The following PDSS2 variants were observed in gnomAD, a reference collection of about 807,000 sequenced individuals.
PDSS2 encodes the protein decaprenyl diphosphate synthase subunit 2, also known as all trans-polyprenyl-diphosphate synthase PDSS2.
PDSS2 carries 31 observed loss-of-function variants against 44.5 expected under a neutral mutation model. The ratio of observed to expected loss-of-function variants is 0.70; its 90% CI spans 0.52 to 0.94. The LOEUF (loss-of-function observed/expected upper bound fraction) is 0.94. PDSS2 is among the 40% of genes least tolerant of loss of function. PDSS2 has a pLI of 0.00. For missense variants in PDSS2, 452 were observed against 482.2 expected (o/e 0.94, Z 0.59); for synonymous variants, 157 against 180.3 (o/e 0.87, Z 1.03).
At chr6:107,223,708 T>C (rs1182042307) in intron 4 of PDSS2, among the ~76,000 whole-genome samples, 1 of 151,176 alleles carries the variant, frequency 6.6e-6, no homozygotes, top group Non-Finnish European at 1.5e-5. Context: ...AGTAAAACCC[T>C]GTCTCAGGGT....
chr6:107,291,554 G>GGC (rs1404008291), intron 2 of PDSS2, among the ~76,000 whole-genome samples: 17 of 150,042 alleles, frequency 1.1e-4, no homozygotes, highest in Non-Finnish European at 2.2e-4. Flanking sequence ...GTAGAGACGG[G>GGC]GGGGTCTCAC....
chr6:107,428,055 T>C (rs984996379), intron 1 of PDSS2, among the ~76,000 whole-genome samples: 5 of 152,242 alleles, frequency 3.3e-5, no homozygotes, highest in African/African-American at 1.2e-4. Flanking sequence ...TGTTTAAAAC[T>C]AATATATTTT....
intron 7 of PDSS2, among the ~76,000 whole-genome samples, chr6:107,159,091 A>G (rs1554246246): frequency 6.6e-6 from 1 of 152,114 alleles, no homozygotes; most frequent in Non-Finnish European, 1.5e-5. Flanking sequence ...TGGGGGGACT[A>G]CATAACACTG....
intron 1 of PDSS2, among the ~76,000 whole-genome samples, chr6:107,450,843 T>C (rs1026669553): frequency 2.6e-5 from 4 of 152,176 alleles, no homozygotes; most frequent in South Asian, 2.1e-4. Context: ...AATCAACTGA[T>C]TGATTGAGAC....
chr6:107,169,487 C>T (rs1771484367), intron 7 of PDSS2, among the ~76,000 whole-genome samples: 1 of 152,186 alleles, frequency 6.6e-6, no homozygotes, highest in Non-Finnish European at 1.5e-5. Context: ...TCGTCAAAGT[C>T]ATTCTCCATC....
chr6:107,217,926 C>T (rs1171165666), intron 4 of PDSS2, among the ~76,000 whole-genome samples: 1 of 152,222 alleles, frequency 6.6e-6, no homozygotes, highest in Non-Finnish European at 1.5e-5. Context: ...AATCTCAAAT[C>T]AGTTTTATCT....
chr6:107,226,914 G>A (rs944730648), intron 4 of PDSS2, among the ~76,000 whole-genome samples: 19 of 151,700 alleles, frequency 1.3e-4, no homozygotes, highest in African/African-American at 4.6e-4. Flanking sequence ...CTCATGATCC[G>A]CCTGCCTCAG....
chr6:107,295,229 C>T (rs2430473), intron 2 of PDSS2, among the ~76,000 whole-genome samples: 81,556 of 152,090 alleles, frequency 0.54, 22,708 homozygotes, highest in Middle Eastern at 0.7. Flanking sequence ...CCACCGCGCC[C>T]GGCCAGTTCT....
chr6:107,198,234 T>C (rs1772634737), intron 6 of PDSS2, among the ~76,000 whole-genome samples: 1 of 152,158 alleles, frequency 6.6e-6, no homozygotes, highest in South Asian at 2.1e-4. Flanking sequence ...TGTCACCCAG[T>C]AGGGACACAT....
rs138690863 is a variant in PDSS2, at chr6:107,450,924, G to A, written c.296+8066C>T. Among the ~76,000 whole-genome samples, 12 of 152,236 alleles carry A rather than the reference G, an allele frequency of 7.9e-5. No homozygotes were observed. In the East Asian group the frequency reaches 9.7e-4, roughly 12 times the overall value. ...TGGCTCACTGCAGCCTCCAACTTCC[G>A]CGCTCAAGTGATCCTCTTACCTCAA... On this transcript the variant is annotated intron_variant, in intron 1 of 7. Coordinates refer to ENST00000369037, the MANE Select transcript of PDSS2 (RefSeq NM_020381.4).
rs1166442372 is a variant in PDSS2 at position 107,274,061 on chromosome 6, AG to A, written c.597del (p.Cys200AlafsTer4). On this transcript the variant is annotated frameshift_variant, in exon 3 of 8. Transcript: ENST00000369037. LOFTEE classifies it high-confidence loss of function. ...ILSGDFLLAN[A>X]CNGLALLQNT... is the part of the protein sequence containing the mutation. ...TTCTGTAGCAGAGCTAGTCCATTGCAGGCATTTGCTAGAAGAAAGTCTCCAC... is the reference window on the plus strand; with the variant it reads ...TTCTGTAGCAGAGCTAGTCCATTGCAGCATTTGCTAGAAGAAAGTCTCCAC... 3 of 1,613,986 alleles carry A rather than the reference AG, an allele frequency of 1.9e-6. No homozygotes were observed. Among genetic ancestry groups the A allele is most frequent in the Non-Finnish European group, 2.5e-6 (3 of 1,179,978 alleles).
chr6:107,390,947 G>T (rs1047953021), intron 1 of PDSS2, among the ~76,000 whole-genome samples: 1 of 150,376 alleles, frequency 6.6e-6, no homozygotes, highest in East Asian at 2.0e-4. Context: ...AATCTAACTG[G>T]ATTCTATCAT....
Position 107,300,681 on chromosome 6 carries a change from C to A in PDSS2, c.432-26454G>T, listed in dbSNP as rs758472691. 4.4e-4 allele frequency among the ~76,000 whole-genome samples: 67 copies of A among 152,302 alleles called. 1 individual carries two copies. The highest frequency in any genetic ancestry group is 1.8e-4 in the Non-Finnish European group (12 of 68,008). On this transcript the variant is annotated intron_variant, in intron 2 of 7. Coordinates refer to ENST00000369037, the MANE Select transcript of PDSS2 (RefSeq NM_020381.4). ...TAGGCATTTGAGCCGGATGGGTAAC[C>A]CCCTTTGGGTCACTTCCCGTTGTAT...
intron 1 of PDSS2, among the ~76,000 whole-genome samples, chr6:107,370,422 C>T (rs1779096512): frequency 6.6e-6 from 1 of 152,174 alleles, no homozygotes; most frequent in African/African-American, 2.4e-5. Flanking sequence ...AAATACACTA[C>T]CAGATTGTGA....
chr6:107,186,210 G>A (rs1772158140), intron 7 of PDSS2, among the ~76,000 whole-genome samples: 3 of 152,194 alleles, frequency 2.0e-5, no homozygotes, highest in African/African-American at 7.2e-5. Flanking sequence ...ATCTTAGGAT[G>A]AAAGGTACTA....
chr6:107,297,301 T>C (rs1213751271), intron 2 of PDSS2, among the ~76,000 whole-genome samples: 2 of 152,256 alleles, frequency 1.3e-5, no homozygotes, highest in Middle Eastern at 3.4e-3. Context: ...AGGGTACATA[T>C]ACAATATCCC....
chr6:107,396,938 C>T (rs566232386), intron 1 of PDSS2, among the ~76,000 whole-genome samples: 1 of 152,144 alleles, frequency 6.6e-6, no homozygotes, highest in South Asian at 2.1e-4. Context: ...GTGATCCTCC[C>T]ACCTTAGTCT....
At chr6:107,398,447 A>G (rs1780012335) in intron 1 of PDSS2, among the ~76,000 whole-genome samples, 1 of 152,178 alleles carries the variant, frequency 6.6e-6, no homozygotes, top group Non-Finnish European at 1.5e-5. Flanking sequence ...TCTTACTTTT[A>G]ATTTCTGAAT....
chr6:107,219,934 A>AT (rs1325327782), intron 4 of PDSS2, among the ~76,000 whole-genome samples: 1 of 152,244 alleles, frequency 6.6e-6, no homozygotes, highest in African/African-American at 2.4e-5. Flanking sequence ...CTATTCAGCA[A>AT]TAAAAAGGAA....
Sources: gnomAD v4.1 joint callset for allele counts (sites outside exome capture counted in the v4.1 genomes callset) on GRCh38, gnomAD v4.1.1 for gene constraint, MANE v1.5 for transcripts, NCBI Gene and HGNC (gene_info 2026-07-23, HGNC 2026-07-21) for gene names.